TAF2: variants seen among roughly 807,000 people sequenced by gnomAD.
TAF2 encodes transcription initiation factor TFIID subunit 2.
In TAF2, 61 loss-of-function variants were observed where a neutral mutation model predicts 138.5. The ratio of observed to expected loss-of-function variants is 0.44; its 90% CI spans 0.36 to 0.54. The LOEUF (loss-of-function observed/expected upper bound fraction) is 0.54, where lower values mean the gene tolerates loss of function less well. TAF2 is among the 20% of genes least tolerant of loss of function. The pLI is 0.00. For synonymous variants in TAF2, 475 were observed against 469.9 expected (o/e 1.01, Z -0.14); for missense variants, 1,090 against 1,427.9 (o/e 0.76, Z 3.81).
chr8:119,754,756 A>T (rs1178577795), intron 22 of TAF2, among the ~76,000 whole-genome samples: 1 of 152,230 alleles, frequency 6.6e-6, no homozygotes, highest in Admixed American at 6.5e-5. Flanking sequence ...CTCTTTAAGC[A>T]AAAGACATTT....
At chr8:119,745,794 AAT>A (rs1491333619) in intron 23 of TAF2, among the ~76,000 whole-genome samples, 7 of 119,406 alleles carry the variant, frequency 5.9e-5, no homozygotes, top group African/African-American at 2.2e-4. Context: ...AAGGCAAACG[AAT>A]GTGTGTGTGT....
chr8:119,754,178 T>C (rs1043079169), intron 22 of TAF2, among the ~76,000 whole-genome samples: 10 of 152,174 alleles, frequency 6.6e-5, no homozygotes, highest in Non-Finnish European at 1.3e-4. Context: ...ATGGTGCCTT[T>C]ACTCGGTGGT....
chr8:119,792,950 C>G (rs143774035), intron 10 of TAF2, among the ~76,000 whole-genome samples: 2 of 152,214 alleles, frequency 1.3e-5, no homozygotes, highest in African/African-American at 4.8e-5. Context: ...ATTACCCAGT[C>G]TGTGGTACTT....
At chr8:119,783,002 C>A (rs1822776360) in intron 16 of TAF2, among the ~76,000 whole-genome samples, 1 of 105,636 alleles carries the variant, frequency 9.5e-6, no homozygotes, top group African/African-American at 4.1e-5. Flanking sequence ...AATACACACA[C>A]CCACAGACAC....
At chr8:119,829,960 C>G (rs1488987072) in intron 2 of TAF2, among the ~76,000 whole-genome samples, 2 of 149,806 alleles carry the variant, frequency 1.3e-5, no homozygotes, top group African/African-American at 4.9e-5. Flanking sequence ...CCAGGTTCGG[C>G]GCGATCTCGG....
At chr8:119,779,070 A>G (rs1418866800) in intron 17 of TAF2, among the ~76,000 whole-genome samples, 2 of 152,162 alleles carry the variant, frequency 1.3e-5, no homozygotes, top group African/African-American at 4.8e-5. Context: ...TTCCGTAGAA[A>G]TACCTGTCTT....
intron 6 of TAF2, among the ~76,000 whole-genome samples, chr8:119,799,566 G>C (rs189726740): frequency 1.3e-5 from 2 of 152,120 alleles, no homozygotes; most frequent in African/African-American, 4.8e-5. Context: ...GATGGACTGG[G>C]TTGGTTCCAA....
At chr8:119,823,492 G>GCTAC (rs1563928494) in intron 2 of TAF2, among the ~76,000 whole-genome samples, 1 of 151,756 alleles carries the variant, frequency 6.6e-6, no homozygotes, top group Non-Finnish European at 1.5e-5. Context: ...CTTTTTGCCT[G>GCTAC]CCACCATCCA....
chr8:119,793,512 C>A, intron 9 of TAF2, 61 bp from the exon 10 acceptor site: 2 of 1,182,656 alleles, frequency 1.7e-6, no homozygotes, highest in South Asian at 1.3e-5. Flanking sequence ...TTTTACATAC[C>A]AAATTTTAGA....
intron 2 of TAF2, among the ~76,000 whole-genome samples, chr8:119,820,220 T>C (rs116210061): frequency 1.3e-5 from 2 of 152,170 alleles, no homozygotes; most frequent in African/African-American, 2.4e-5. Flanking sequence ...AAACACAGAA[T>C]ATATGTTAAT....
intron 2 of TAF2, among the ~76,000 whole-genome samples, chr8:119,825,158 C>A (rs143401785): frequency 0.018 from 2,701 of 152,364 alleles, 78 homozygotes; most frequent in African/African-American, 0.062. Context: ...ACTATGGGAA[C>A]CTACCTCTTG....
At chr8:119,765,086 T>C (rs1284050239) in intron 18 of TAF2, among the ~76,000 whole-genome samples, 1 of 152,272 alleles carries the variant, frequency 6.6e-6, no homozygotes, top group African/African-American at 2.4e-5. Flanking sequence ...TATTATACAA[T>C]GTAATAAGTT....
intron 7 of TAF2, 98 bp downstream of exon 7, chr8:119,797,564 A>G: frequency 7.7e-7 from 1 of 1,298,770 alleles, no homozygotes; most frequent in Non-Finnish European, 1.1e-6. Flanking sequence ...ATTGCGGAAA[A>G]AAGTTCAAAG....
At chr8:119,816,399 C>T (rs984898053) in intron 3 of TAF2, among the ~76,000 whole-genome samples, 1 of 151,912 alleles carries the variant, frequency 6.6e-6, no homozygotes, top group Non-Finnish European at 1.5e-5. Flanking sequence ...GGGCATGGCA[C>T]CTTAACTTTA....
chr8:119,757,176 T>C (rs1251028963), intron 21 of TAF2, among the ~76,000 whole-genome samples: 1 of 152,216 alleles, frequency 6.6e-6, no homozygotes, highest in Admixed American at 6.5e-5. Context: ...TGCAATTTAA[T>C]GTCTATAAAC....
intron 22 of TAF2, among the ~76,000 whole-genome samples, chr8:119,750,078 G>GT (rs1173277623): frequency 6.6e-6 from 1 of 152,150 alleles, no homozygotes; most frequent in East Asian, 1.9e-4. Context: ...ATTTTCTGAG[G>GT]TAACTGCTAT....
Position 119,801,810 on chromosome 8 carries a change from T to TA in TAF2, c.775_776insT (p.Asp259ValfsTer6). On this transcript the variant is annotated frameshift_variant, in exon 6 of 26. Coordinates refer to ENST00000378164, the MANE Select transcript of TAF2 (RefSeq NM_003184.4). LOFTEE classifies it high-confidence loss of function. ...CTGACTTACCTCATGCATGTATGGA[T>TA]CTACCAGTATTTCAAATGGTCCAAT... is the stretch of plus-strand genomic sequence containing the variant. 6.2e-7 allele frequency: 1 copy of TA among 1,614,040 alleles called. No homozygotes were observed. Among genetic ancestry groups the TA allele is most frequent in the Non-Finnish European group, 8.5e-7 (1 of 1,179,914 alleles).
At chr8:119,737,716 C>T (rs1393158741) in intron 25 of TAF2, among the ~76,000 whole-genome samples, 5 of 151,930 alleles carry the variant, frequency 3.3e-5, no homozygotes, top group Non-Finnish European at 5.9e-5. Flanking sequence ...ACCATGTTGG[C>T]CAGGCTGGTC....
intron 18 of TAF2, among the ~76,000 whole-genome samples, chr8:119,763,587 A>G (rs1223327823): frequency 3.3e-5 from 5 of 151,940 alleles, no homozygotes; most frequent in African/African-American, 1.2e-4. Context: ...AAAATTAGCC[A>G]GGTGTGGTGG....
Sources: allele counts gnomAD v4.1 joint callset (sites outside exome capture counted in the v4.1 genomes callset), GRCh38; gene constraint gnomAD v4.1.1; transcripts MANE v1.5; gene names NCBI Gene and HGNC (gene_info 2026-07-23, HGNC 2026-07-21).